Variants in BRINP3 observed in about 807,000 individuals in gnomAD.
The protein encoded by BRINP3 is BMP/retinoic acid inducible neural specific 3, also known as BMP/retinoic acid-inducible neural-specific protein 3.
Under a neutral mutation model 71.0 loss-of-function variants are expected in BRINP3, and 19 were observed. The observed-to-expected ratio is 0.27, with a 90% CI of 0.19 to 0.39. BRINP3 has a LOEUF of 0.39. BRINP3 is among the 10% of genes least tolerant of loss of function. The pLI is 1.00. For synonymous variants in BRINP3, 380 were observed against 337.7 expected (o/e 1.13, Z -1.37); for missense variants, 959 against 940.8 (o/e 1.02, Z -0.25).
intron 2 of BRINP3, among the ~76,000 whole-genome samples, chr1:190,452,297 T>C (rs940420197): frequency 2.6e-5 from 4 of 152,222 alleles, no homozygotes; most frequent in African/African-American, 7.2e-5. Flanking sequence ...TCATTTGCAA[T>C]GTTTAAATGG....
chr1:190,384,100 T>C (rs1329021870), intron 2 of BRINP3, among the ~76,000 whole-genome samples: 2 of 151,756 alleles, frequency 1.3e-5, no homozygotes, highest in Non-Finnish European at 2.9e-5. Context: ...ATATATATCA[T>C]ATAATTTAAC....
At chr1:190,459,291 A>G (rs1471338469) in intron 1 of BRINP3, among the ~76,000 whole-genome samples, 1 of 151,774 alleles carries the variant, frequency 6.6e-6, no homozygotes, top group Non-Finnish European at 1.5e-5. Context: ...TAATAAATGC[A>G]TAAATAATAT....
chr1:190,446,543 A>G (rs1675231216), intron 2 of BRINP3, among the ~76,000 whole-genome samples: 1 of 152,138 alleles, frequency 6.6e-6, no homozygotes, highest in African/African-American at 2.4e-5. Flanking sequence ...ATTATTTATG[A>G]AGAAGTAATT....
intron 2 of BRINP3, chr1:190,362,054 C>T (rs1361793196): frequency 6.6e-6 from 1 of 152,082 alleles, no homozygotes; most frequent in African/African-American, 2.4e-5. Context: ...CTTTTCTGCC[C>T]ACACATAGGT....
intron 4 of BRINP3, among the ~76,000 whole-genome samples, chr1:190,248,071 TC>T (rs1485755551): frequency 2.0e-5 from 3 of 151,844 alleles, no homozygotes; most frequent in Admixed American, 2.0e-4. Context: ...TCTTTTTTAT[TC>T]TGGTTTCAGA....
chr1:190,313,812 G>T (rs1244160814), intron 2 of BRINP3, among the ~76,000 whole-genome samples: 2 of 151,966 alleles, frequency 1.3e-5, no homozygotes, highest in African/African-American at 2.4e-5. Context: ...AACCCATATT[G>T]ACCTGACCTT....
intron 2 of BRINP3, among the ~76,000 whole-genome samples, chr1:190,314,957 C>A (rs1665782598): frequency 6.6e-6 from 1 of 152,036 alleles, no homozygotes; most frequent in Non-Finnish European, 1.5e-5. Flanking sequence ...GGTTGATGGA[C>A]TTTATCAGGG....
chr1:190,331,071 A>C (rs910575299), intron 2 of BRINP3, among the ~76,000 whole-genome samples: 1 of 151,962 alleles, frequency 6.6e-6, no homozygotes, highest in Non-Finnish European at 1.5e-5. Context: ...ACAAACATGC[A>C]TATGTACTCC....
At chr1:190,282,850 G>A (rs576097111) in intron 2 of BRINP3, among the ~76,000 whole-genome samples, 8 of 152,100 alleles carry the variant, frequency 5.3e-5, no homozygotes, top group Admixed American at 2.0e-4. Flanking sequence ...ACTTTGATGA[G>A]AAATATGACT....
In BRINP3 at chr1:190,252,855, A is replaced by G. The variant is rs528531545; in HGVS notation, c.618+12010T>C. On this transcript the variant is annotated intron_variant, in intron 4 of 7. Coordinates refer to ENST00000367462, the MANE Select transcript of BRINP3 (RefSeq NM_199051.3). Reference sequence around the variant, plus strand: ...ATGCAGGTTTGTTACTTAGGTATACATGTGCCATCTTGGTTTGCTGCAGCC... The same window carrying G: ...ATGCAGGTTTGTTACTTAGGTATACGTGTGCCATCTTGGTTTGCTGCAGCC... Among the ~76,000 whole-genome samples, 18 of 152,100 alleles carry G rather than the reference A, an allele frequency of 1.2e-4. No individual in the cohort carries two copies. In the South Asian group the frequency reaches 3.7e-3, roughly 32 times the overall value.
chr1:190,312,812 T>G (rs920586027), intron 2 of BRINP3, among the ~76,000 whole-genome samples: 6 of 151,832 alleles, frequency 4.0e-5, no homozygotes, highest in Non-Finnish European at 8.8e-5. Context: ...ATGTCATATG[T>G]GATGGGTTAT....
At chr1:190,127,435 A>G (rs189784285) in intron 7 of BRINP3, among the ~76,000 whole-genome samples, 1 of 152,050 alleles carries the variant, frequency 6.6e-6, no homozygotes, top group Non-Finnish European at 1.5e-5. Context: ...TTTTCAAGGT[A>G]TTTAATCAAA....
chr1:190,289,307 T>G (rs1663675641), intron 2 of BRINP3, among the ~76,000 whole-genome samples: 1 of 151,976 alleles, frequency 6.6e-6, no homozygotes, highest in Non-Finnish European at 1.5e-5. Context: ...AGGGAATTCC[T>G]TTTAAAATGT....
At chr1:190,240,090 A>G (rs907657765) in intron 4 of BRINP3, among the ~76,000 whole-genome samples, 11 of 151,900 alleles carry the variant, frequency 7.2e-5, no homozygotes, top group Admixed American at 1.3e-4. Flanking sequence ...ACTAGGAACT[A>G]ACTTGACTAG....
intron 7 of BRINP3, among the ~76,000 whole-genome samples, chr1:190,119,730 G>A (rs902697488): frequency 3.4e-4 from 51 of 152,218 alleles, no homozygotes; most frequent in African/African-American, 1.2e-3. Flanking sequence ...CAACAATGAT[G>A]AGATGTAATT....
At chr1:190,446,506 A>AAAT (rs1675229309) in intron 2 of BRINP3, among the ~76,000 whole-genome samples, 3 of 152,122 alleles carry the variant, frequency 2.0e-5, no homozygotes, top group Non-Finnish European at 4.4e-5. Flanking sequence ...CAATATACAC[A>AAAT]AATAAAAGTA....
At position 190,228,386 on chromosome 1, in the gene BRINP3, C is replaced by CA. The variant is rs1479634682; in HGVS notation, c.725-2069dup. Among the ~76,000 whole-genome samples, 29 of 151,518 alleles carry CA rather than the reference C, an allele frequency of 1.9e-4. 1 individual carries two copies. The South Asian group carries it at 3.3e-3, about 17-fold the overall frequency. ...TCCATTTTAATCTTAATTTCACACA[C>CA]AAAAAAACCAAAGAACTCGCGTACC... is the stretch of plus-strand genomic sequence containing the variant. On this transcript the variant is annotated intron_variant, in intron 5 of 7. Coordinates refer to ENST00000367462, the MANE Select transcript of BRINP3 (RefSeq NM_199051.3).
At chr1:190,407,305 T>TA (rs1451445276) in intron 2 of BRINP3, among the ~76,000 whole-genome samples, 8 of 152,196 alleles carry the variant, frequency 5.3e-5, no homozygotes, top group African/African-American at 1.9e-4. Context: ...GCATCCTGGA[T>TA]TATTTCTGCC....
intron 7 of BRINP3, among the ~76,000 whole-genome samples, chr1:190,159,236 G>T (rs1657133770): frequency 6.6e-6 from 1 of 152,114 alleles, no homozygotes; most frequent in Non-Finnish European, 1.5e-5. Flanking sequence ...TGAAGATAAT[G>T]TGGAGAGATT....
Sources: allele counts gnomAD v4.1 joint callset (sites outside exome capture counted in the v4.1 genomes callset), GRCh38; gene constraint gnomAD v4.1.1; transcripts MANE v1.5; gene names NCBI Gene and HGNC (gene_info 2026-07-23, HGNC 2026-07-21).